AP1S2: variants seen among roughly 807,000 people sequenced by gnomAD.
AP1S2 encodes adaptor related protein complex 1 subunit sigma 2.
In AP1S2, 1 loss-of-function variant was observed where a neutral mutation model predicts 14.3. That is an observed-to-expected ratio of 0.07 (90% CI 0.02 to 0.33). The LOEUF (loss-of-function observed/expected upper bound fraction) is 0.33, where lower values mean the gene tolerates loss of function less well. Ranked by LOEUF, AP1S2 falls within the 10% of genes least tolerant of loss-of-function variation. The pLI, the probability that AP1S2 is intolerant of heterozygous loss-of-function variation, is 0.99. For missense variants in AP1S2, 30 were observed against 117.7 expected, an observed-to-expected ratio of 0.25 and a Z score of 3.45; for synonymous variants, 30 against 40.5, an observed-to-expected ratio of 0.74 and a Z score of 0.99.
At chrX:15,828,805 G>T (rs976371311) in intron 4 of AP1S2, among the ~76,000 whole-genome samples, 1 of 109,857 alleles carries the variant, frequency 9.1e-6, no homozygotes, top group Non-Finnish European at 1.9e-5. Context: ...AAAAGCAGAC[G>T]ATTTGTTAAA....
intron 4 of AP1S2, among the ~76,000 whole-genome samples, chrX:15,836,702 G>A (rs369249052): frequency 9.0e-5 from 10 of 111,234 alleles, no homozygotes; most frequent in East Asian, 2.8e-4. Context: ...ACAACATGGC[G>A]AGACCCCATT....
At chrX:15,844,278 T>C (rs1379212095) in intron 4 of AP1S2, among the ~76,000 whole-genome samples, 1 of 112,121 alleles carries the variant, frequency 8.9e-6, no homozygotes, top group Non-Finnish European at 1.9e-5. Context: ...TTCACTCCCT[T>C]AAAACTGAAT....
intron 2 of AP1S2, among the ~76,000 whole-genome samples, chrX:15,846,713 C>T (rs1485299799): frequency 5.4e-5 from 6 of 112,071 alleles, no homozygotes; most frequent in Non-Finnish European, 1.1e-4. Context: ...AACAGCTCCA[C>T]GTTATTACAG....
At chrX:15,848,604 A>G (rs978228627) in intron 2 of AP1S2, among the ~76,000 whole-genome samples, 1 of 112,241 alleles carries the variant, frequency 8.9e-6, no homozygotes, top group Non-Finnish European at 1.9e-5. Flanking sequence ...TTAGGACCAA[A>G]TGGTTTTAAA....
At chrX:15,845,175 G>C in intron 4 of AP1S2, 3 of 754,192 alleles carry the variant, frequency 4.0e-6, no homozygotes, top group Non-Finnish European at 4.7e-6. Context: ...CTGACCGATA[G>C]ACCATCTCCA....
chrX:15,826,775 T>TA lies in AP1S2; in HGVS notation c.*549dup, dbSNP rs201939651. ...TCATTAAAAATAATCTGTAGTCCTT[T>TA]AAAAAAAAAAAAAAAAGGTATGTAA... On this transcript the variant is annotated 3_prime_UTR_variant, in exon 6 of 6. Transcript: ENST00000672987. 0.45 allele frequency: 41,828 copies of TA among 93,157 alleles called. 7,659 individuals are homozygous for TA. The highest frequency in any genetic ancestry group is 0.61 in the East Asian group (1,806 of 2,958). The allele number at this position is 93,157 out of a possible 1,213,427, so 7.7% of individuals were successfully genotyped here. A position where few individuals can be genotyped will look rare whatever the true frequency, so the allele number is the denominator to read the frequency against.
In AP1S2 at chrX:15,825,964, AG is replaced by A. The variant is rs774341609; in HGVS notation, c.*1360del. The A allele has an allele frequency of 7.3e-3, 818 of 112,700 alleles. 2 individuals are homozygous for A. The highest frequency in any genetic ancestry group is 0.012 in the Non-Finnish European group (653 of 53,640). The allele number at this position is 112,700 out of a possible 1,213,427, so 9.3% of individuals were successfully genotyped here. A position where few individuals can be genotyped will look rare whatever the true frequency, so the allele number is the denominator to read the frequency against. On this transcript the variant is annotated 3_prime_UTR_variant, in exon 6 of 6. Transcript: ENST00000672987. ...TATAACAACCACCATATTCAAATGG[AG>A]GGGAATTTTCAACATTTTACTGAAA...
In AP1S2 at chrX:15,851,866, G is replaced by C. The variant is rs1601869951; in HGVS notation, c.179+480C>G. 4.5e-5 allele frequency among the ~76,000 whole-genome samples: 5 copies of C among 112,127 alleles called. No individual in the cohort carries two copies. The South Asian group carries it at 1.8e-3, about 41-fold the overall frequency. ...CACAAAGTTTTTAAAACATCTATGT[G>C]ATTGAAATAGTCTACATAGTCAAGG... On this transcript the variant is annotated intron_variant, in intron 2 of 5. Transcript: ENST00000672987.
intron 4 of AP1S2, among the ~76,000 whole-genome samples, chrX:15,833,809 G>A (rs1479052014): frequency 9.0e-6 from 1 of 111,649 alleles, no homozygotes; most frequent in Admixed American, 9.5e-5. Context: ...ATATCAATTA[G>A]GAATTAGGGA....
In AP1S2 at chrX:15,831,443, A is replaced by T. The variant is rs750314808; in HGVS notation, c.427-3243T>A. 2,278 of 690,734 alleles carry T rather than the reference A, an allele frequency of 3.3e-3. 39 individuals are homozygous for T. The African/African-American group carries it at 0.052, about 16-fold the overall frequency. 56.9% of individuals were successfully genotyped at this position (690,734 alleles called of 1,213,427 possible). A position where few individuals can be genotyped will look rare whatever the true frequency, so the allele number is the denominator to read the frequency against. ...TGTTCTACTATTATTATACAAGACAATAAATCACCATGCTGAGGATATTTT... is the reference window on the plus strand; with the variant it reads ...TGTTCTACTATTATTATACAAGACATTAAATCACCATGCTGAGGATATTTT... On this transcript the variant is annotated intron_variant, in intron 4 of 5. Coordinates refer to ENST00000672987, the MANE Select transcript of AP1S2 (RefSeq NM_001272071.2).
Position 15,845,533 on chromosome X carries a change from A to C in AP1S2, c.289-17T>G. 8.3e-7 allele frequency: 1 copy of C among 1,198,465 alleles called. No homozygotes were observed. Among genetic ancestry groups the C allele is most frequent in the Non-Finnish European group, 1.1e-6 (1 of 890,953 alleles). ...TTCACAGACCTGAAAAGGAAAAAAA[A>C]AAGAAAAAAGAAAAGAAAAAATTGT... On this transcript the variant is annotated splice_polypyrimidine_tract_variant and intron_variant, in intron 3 of 5. Transcript: ENST00000672987.
chrX:15,839,879 A>C (rs1258650793), intron 4 of AP1S2, among the ~76,000 whole-genome samples: 1 of 111,923 alleles, frequency 8.9e-6, no homozygotes, highest in Non-Finnish European at 1.9e-5. Context: ...AAAAGTACTT[A>C]TTAAAATAAT....
Position 15,835,278 on chromosome X carries a change from ACTT to A in AP1S2, c.427-7081_427-7079del, listed in dbSNP as rs1243296545. On this transcript the variant is annotated intron_variant, in intron 4 of 5. Coordinates refer to ENST00000672987, the MANE Select transcript of AP1S2 (RefSeq NM_001272071.2). ...CTACTGCAGTTTTTCTTATAAAAGG[ACTT>A]CTTCACTTATTCCTTGCACTATAAA... Among the ~76,000 whole-genome samples the A allele has an allele frequency of 2.7e-5, 3 of 112,317 alleles. No individual in the cohort carries two copies. The East Asian group carries it at 8.4e-4, about 31-fold the overall frequency.
chrX:15,833,620 A>G, intron 4 of AP1S2: 1 of 474,326 alleles, frequency 2.1e-6, no homozygotes. Context: ...TAGGGTCTGA[A>G]AAAGTTCTGT....
intron 5 of AP1S2, 39 bp from the exon 6 acceptor site, chrX:15,827,411 A>C: frequency 5.4e-6 from 6 of 1,109,724 alleles, no homozygotes; most frequent in Non-Finnish European, 7.5e-6. Flanking sequence ...AAGCAGATCC[A>C]GGGAGTCTTG....
chrX:15,833,254 C>T, intron 4 of AP1S2: 6 of 754,394 alleles, frequency 8.0e-6, no homozygotes, highest in Non-Finnish European at 9.4e-6. Context: ...ACCATTCCTC[C>T]CCAGGAGACT....
intron 4 of AP1S2, among the ~76,000 whole-genome samples, chrX:15,840,819 T>TA (rs199590963): frequency 0.015 from 1,646 of 112,096 alleles, 25 homozygotes; most frequent in African/African-American, 0.051. Context: ...TGTTGTACTT[T>TA]AATAATTTAA....
chrX:15,827,456 G>T, intron 5 of AP1S2, 84 bp from the exon 6 acceptor site: 1 of 893,109 alleles, frequency 1.1e-6, no homozygotes, highest in Non-Finnish European at 1.6e-6. Flanking sequence ...GAACATGCTT[G>T]TTTTAGAGAA....
intron 4 of AP1S2, among the ~76,000 whole-genome samples, chrX:15,841,904 A>C (rs1304193359): frequency 2.7e-5 from 3 of 112,261 alleles, no homozygotes; most frequent in African/African-American, 9.7e-5. Context: ...GATTTTACAC[A>C]GCTGTGAAGC....
Sources: gnomAD v4.1 joint callset for allele counts (sites outside exome capture counted in the v4.1 genomes callset) on GRCh38, gnomAD v4.1.1 for gene constraint, MANE v1.5 for transcripts, NCBI Gene and HGNC (gene_info 2026-07-23, HGNC 2026-07-21) for gene names.